UNC13C: variants seen among roughly 807,000 people sequenced by gnomAD.
UNC13C encodes the protein protein unc-13 homolog C.
In UNC13C, 174 loss-of-function variants were observed where a neutral mutation model predicts 245.4. The ratio of observed to expected loss-of-function variants is 0.71; its 90% CI spans 0.63 to 0.80. UNC13C has a LOEUF of 0.80. Among genes scored for constraint, UNC13C ranks in the 30% least tolerant of loss-of-function variants. The probability of loss-of-function intolerance (pLI) is 0.00; values close to 1 mark genes in which losing one functional copy is unlikely to be tolerated. For missense variants in UNC13C, 2,829 were observed against 2,602.9 expected (o/e 1.09, Z -1.89); for synonymous variants, 992 against 895.1 (o/e 1.11, Z -1.93).
Position 54,102,520 on chromosome 15 carries a change from G to A in UNC13C, c.2984-40498G>A, listed in dbSNP as rs544063964. Among the ~76,000 whole-genome samples the A allele has an allele frequency of 2.6e-5, 4 of 152,290 alleles. No individual in the cohort carries two copies. In the South Asian group the frequency reaches 8.3e-4, roughly 32 times the overall value. ...CCTAAACTCTTAAGGCAGGTCTGCA[G>A]AACTGGGAATGTGCTGCTCCAGTAG... is the stretch of plus-strand genomic sequence containing the variant. On this transcript the variant is annotated intron_variant, in intron 2 of 32. Coordinates refer to ENST00000260323, the MANE Select transcript of UNC13C (RefSeq NM_001080534.3).
chr15:54,334,747 T>C (rs2038529021), intron 16 of UNC13C, among the ~76,000 whole-genome samples: 1 of 152,124 alleles, frequency 6.6e-6, no homozygotes, highest in South Asian at 2.1e-4. Context: ...TGTCAGTAGC[T>C]ACTGGAACAA....
intron 19 of UNC13C, among the ~76,000 whole-genome samples, chr15:54,467,086 A>G (rs1244827996): frequency 6.6e-6 from 1 of 151,810 alleles, no homozygotes. Flanking sequence ...GAGTTTCTAA[A>G]TGAGAATTTC....
chr15:53,943,466 C>G, the UNC13C span, among the ~76,000 whole-genome samples: 1 of 151,990 alleles, frequency 6.6e-6, no homozygotes, highest in Non-Finnish European at 1.5e-5. Context: ...AAAACAAGAA[C>G]AAAAATAATA....
At chr15:54,477,176 T>TGA (rs1178827854) in intron 19 of UNC13C, among the ~76,000 whole-genome samples, 1 of 119,036 alleles carries the variant, frequency 8.4e-6, no homozygotes, top group Non-Finnish European at 1.8e-5. Context: ...GAGACTTTGC[T>TGA]GAAGTTGCTT....
At chr15:54,103,873 T>C (rs573198181) in intron 2 of UNC13C, among the ~76,000 whole-genome samples, 33 of 152,270 alleles carry the variant, frequency 2.2e-4, no homozygotes, top group African/African-American at 7.7e-4. Context: ...GCCTCCTGAG[T>C]AGCTGGAACT....
intron 10 of UNC13C, among the ~76,000 whole-genome samples, chr15:54,274,112 C>G (rs1421274886): frequency 6.6e-6 from 1 of 152,070 alleles, no homozygotes; most frequent in Non-Finnish European, 1.5e-5. Context: ...GATGCTGAGG[C>G]TAACATCGTC....
the UNC13C span, chr15:53,911,636 A>T: frequency 6.6e-6 from 1 of 152,206 alleles, no homozygotes; most frequent in Non-Finnish European, 1.5e-5. Context: ...CCAACGGTTA[A>T]CACAAGGGCA....
chr15:54,461,272 C>G (rs370940606), intron 19 of UNC13C, among the ~76,000 whole-genome samples: 1 of 152,068 alleles, frequency 6.6e-6, no homozygotes, highest in East Asian at 1.9e-4. Flanking sequence ...ACATGACACT[C>G]AAGGGAAATG....
At chr15:54,536,982 G>A (rs1004557620) in intron 26 of UNC13C, among the ~76,000 whole-genome samples, 19 of 151,992 alleles carry the variant, frequency 1.3e-4, no homozygotes, top group Non-Finnish European at 2.6e-4. Context: ...CCTAACCAAA[G>A]CAATCAGGCA....
chr15:54,616,091 A>G (rs1411349851), intron 30 of UNC13C, among the ~76,000 whole-genome samples: 1 of 152,018 alleles, frequency 6.6e-6, no homozygotes, highest in Non-Finnish European at 1.5e-5. Flanking sequence ...ATTAACCAAC[A>G]TGGTGACTTA....
chr15:54,626,451 G>A (rs893223799), intron 32 of UNC13C, among the ~76,000 whole-genome samples: 3 of 147,318 alleles, frequency 2.0e-5, no homozygotes, highest in Admixed American at 6.8e-5. Context: ...ATATTGAAAT[G>A]GGGAGGTAAA....
chr15:54,508,928 G>A (rs773674885), intron 23 of UNC13C, among the ~76,000 whole-genome samples: 9 of 152,106 alleles, frequency 5.9e-5, no homozygotes, highest in Non-Finnish European at 8.8e-5. Flanking sequence ...GGCCGGGCGC[G>A]GTGGCTCACA....
chr15:54,530,046 A>G (rs923231230), intron 25 of UNC13C, among the ~76,000 whole-genome samples: 1 of 152,158 alleles, frequency 6.6e-6, no homozygotes, highest in Non-Finnish European at 1.5e-5. Context: ...AATACGAAAT[A>G]TTGCTCTTCG....
chr15:54,588,218 C>G (rs977033389), intron 30 of UNC13C, among the ~76,000 whole-genome samples: 6 of 152,224 alleles, frequency 3.9e-5, no homozygotes, highest in African/African-American at 1.4e-4. Flanking sequence ...AACCCATTAT[C>G]TGCTGAAATG....
chr15:54,584,481 C>T (rs1053880330), intron 30 of UNC13C, among the ~76,000 whole-genome samples: 3 of 152,114 alleles, frequency 2.0e-5, no homozygotes, highest in Admixed American at 6.5e-5. Context: ...ACAAATTAAA[C>T]GTGCAAAACT....
rs1340277174 is a variant in UNC13C at position 54,179,065 on chromosome 15, A to G, written c.3071+35381A>G. Reference sequence around the variant, plus strand: ...AGGAAGCTTGGAACATGCCTGAATAACATGAATGAAGCACCAACCCAGCCA... The same window carrying G: ...AGGAAGCTTGGAACATGCCTGAATAGCATGAATGAAGCACCAACCCAGCCA... On this transcript the variant is annotated intron_variant, in intron 4 of 32. Transcript: ENST00000260323. Among the ~76,000 whole-genome samples the G allele has an allele frequency of 2.0e-5, 3 of 152,256 alleles. No individual in the cohort carries two copies. The East Asian group carries it at 5.8e-4, about 29-fold the overall frequency.
At chr15:54,122,506 C>T (rs1897076) in intron 2 of UNC13C, among the ~76,000 whole-genome samples, 149,781 of 152,146 alleles carry the variant, frequency 0.98, 73,781 homozygotes, top group Middle Eastern at 1. Context: ...GTATGTATAA[C>T]GCATCCATTG....
rs771000338 is a variant in UNC13C, at chr15:54,014,053, C to T, written c.1150C>T (p.Pro384Ser). ...ACCCATACTTGTGTACTTTGAAACCCCTCAACAAAGGGATTCTGTCTTAAA... is the reference window on the plus strand; with the variant it reads ...ACCCATACTTGTGTACTTTGAAACCTCTCAACAAAGGGATTCTGTCTTAAA... ...PRPILVYFET[P>S]QQRDSVLKKS... is the part of the protein sequence containing the mutation. Residue 384 changes from proline to serine, a missense_variant, in exon 2 of 33, where the codon CCT becomes TCT. Physicochemically the swap from Pro to Ser is moderately conservative, Grantham distance 74. Transcript: ENST00000260323. The T allele has an allele frequency of 3.1e-6, 5 of 1,613,598 alleles. No homozygotes were observed. In the Admixed American group the frequency reaches 8.3e-5, roughly 27 times the overall value.
At chr15:54,400,045 A>G (rs559632316) in intron 18 of UNC13C, among the ~76,000 whole-genome samples, 44 of 152,036 alleles carry the variant, frequency 2.9e-4, no homozygotes, top group Admixed American at 2.6e-3. Flanking sequence ...TGTTTTCTTC[A>G]TCTATATTCT....
Sources: gnomAD v4.1 joint callset for allele counts (sites outside exome capture counted in the v4.1 genomes callset) on GRCh38, gnomAD v4.1.1 for gene constraint, MANE v1.5 for transcripts, NCBI Gene and HGNC (gene_info 2026-07-23, HGNC 2026-07-21) for gene names.